The following IQCK variants were observed in gnomAD, a reference collection of about 807,000 sequenced individuals.
The protein encoded by IQCK is IQ motif containing K.
IQCK carries 29 observed loss-of-function variants against 28.1 expected under a neutral mutation model. The observed-to-expected ratio is 1.03, with a 90% CI of 0.77 to 1.41. The LOEUF is 1.41. Among genes scored for constraint, IQCK ranks in the 40% most tolerant of loss-of-function variants. The probability of loss-of-function intolerance (pLI) is 0.00; values close to 1 mark genes in which losing one functional copy is unlikely to be tolerated. For missense variants in IQCK, 359 were observed against 314.7 expected (o/e 1.14, Z -1.07); for synonymous variants, 113 against 115.1 (o/e 0.98, Z 0.12).
At chr16:19,731,410 C>T (rs1224956595) in intron 2 of IQCK, among the ~76,000 whole-genome samples, 1 of 152,220 alleles carries the variant, frequency 6.6e-6, no homozygotes, top group Non-Finnish European at 1.5e-5. Flanking sequence ...GCAGCTGCCT[C>T]TGACAGAGAC....
intron 9 of IQCK, among the ~76,000 whole-genome samples, chr16:19,844,491 C>T (rs1017011279): frequency 4.6e-5 from 7 of 152,018 alleles, no homozygotes; most frequent in African/African-American, 7.2e-5. Context: ...TCGGATGACC[C>T]GGTGGCAGTA....
chr16:19,724,591 C>T (rs140267995), intron 1 of IQCK, among the ~76,000 whole-genome samples: 46 of 152,004 alleles, frequency 3.0e-4, no homozygotes, highest in Admixed American at 1.4e-3. Context: ...TGCAGTGGTG[C>T]GATCTCGGCT....
chr16:19,806,210 G>C (rs377262458), intron 7 of IQCK, among the ~76,000 whole-genome samples: 52 of 152,240 alleles, frequency 3.4e-4, no homozygotes, highest in East Asian at 3.1e-3. Flanking sequence ...ACCAGCAAGA[G>C]AGTCAGTGTG....
intron 7 of IQCK, among the ~76,000 whole-genome samples, chr16:19,807,558 G>T (rs570217674): frequency 1.1e-3 from 169 of 152,204 alleles, no homozygotes; most frequent in African/African-American, 3.8e-3. Flanking sequence ...AGAATCTCAG[G>T]CCCCATCCAG....
chr16:19,753,864 C>T (rs963091206), intron 4 of IQCK, among the ~76,000 whole-genome samples: 3 of 151,884 alleles, frequency 2.0e-5, no homozygotes, highest in African/African-American at 7.3e-5. Flanking sequence ...ACCACTGCCT[C>T]GGCTTTGTAT....
chr16:19,857,596 C>G, exon 10 of IQCK: 1 of 339,862 alleles, frequency 2.9e-6, no homozygotes, highest in Non-Finnish European at 5.5e-6. Context: ...CTCCTGTAAG[C>G]TGGTATCATC....
chr16:19,851,691 C>T (rs752622579), intron 9 of IQCK, among the ~76,000 whole-genome samples: 46 of 152,142 alleles, frequency 3.0e-4, no homozygotes, highest in Admixed American at 4.6e-4. Context: ...CCAGCCCTTC[C>T]GGAACTGGCT....
At chr16:19,751,091 T>G (rs2054980307) in intron 4 of IQCK, among the ~76,000 whole-genome samples, 1 of 152,092 alleles carries the variant, frequency 6.6e-6, no homozygotes, top group Non-Finnish European at 1.5e-5. Context: ...AGTTTTCTTA[T>G]CTATTAAGTG....
At chr16:19,718,436 T>G in exon 1 of IQCK, 1 of 1,607,048 alleles carries the variant, frequency 6.2e-7, no homozygotes, top group Non-Finnish European at 8.5e-7. Context: ...TGTCTCGTCG[T>G]GGCAGGTCAC....
chr16:19,856,261 C>T (rs550015085), intron 9 of IQCK, among the ~76,000 whole-genome samples: 35 of 152,330 alleles, frequency 2.3e-4, no homozygotes, highest in Non-Finnish European at 4.7e-4. Flanking sequence ...TAAGAATGGC[C>T]ATGAACAGTC....
intron 6 of IQCK, among the ~76,000 whole-genome samples, chr16:19,775,934 T>G (rs576219160): frequency 3.9e-5 from 5 of 127,134 alleles, no homozygotes; most frequent in Non-Finnish European, 6.3e-5. Context: ...CAGGCTAGAG[T>G]GCAGTGGCAC....
intron 7 of IQCK, among the ~76,000 whole-genome samples, chr16:19,799,631 CA>C: frequency 2.9e-5 from 4 of 140,228 alleles, no homozygotes; most frequent in African/African-American, 1.3e-4. Context: ...CACACACACA[CA>C]CACACACACC....
intron 4 of IQCK, among the ~76,000 whole-genome samples, chr16:19,747,611 TAA>T (rs2054929479): frequency 6.6e-6 from 1 of 151,744 alleles, no homozygotes; most frequent in Non-Finnish European, 1.5e-5. Context: ...TTGTACCCAA[TAA>T]GTAGTTTGTC....
chr16:19,785,604 C>G (rs908070857), intron 6 of IQCK, among the ~76,000 whole-genome samples: 1 of 152,122 alleles, frequency 6.6e-6, no homozygotes, highest in Non-Finnish European at 1.5e-5. Flanking sequence ...GATTGCGGGC[C>G]GAGTCTTTGT....
chr16:19,759,437 G>T (rs375262503), intron 4 of IQCK, among the ~76,000 whole-genome samples: 7 of 152,170 alleles, frequency 4.6e-5, no homozygotes, highest in African/African-American at 1.7e-4. Context: ...TCAAACTCCT[G>T]ACCTCAGGTG....
intron 7 of IQCK, among the ~76,000 whole-genome samples, chr16:19,789,619 A>T (rs149246299): frequency 5.5e-5 from 3 of 54,718 alleles, no homozygotes; most frequent in Non-Finnish European, 8.3e-5. Context: ...TGAGTCACTG[A>T]TAACTCCGTC....
chr16:19,764,100 G>A (rs535214767), exon 6 of IQCK: 26 of 1,612,192 alleles, frequency 1.6e-5, no homozygotes, highest in South Asian at 1.5e-4. Context: ...GTGGAGGAGC[G>A]GCTAAAGCAA....
At chr16:19,782,277 T>G (rs2151727561) in intron 6 of IQCK, among the ~76,000 whole-genome samples, 1 of 151,604 alleles carries the variant, frequency 6.6e-6, no homozygotes, top group East Asian at 2.0e-4. Context: ...TCCCAGCTAC[T>G]CAGGAGGCTG....
At chr16:19,736,326 A>G (rs973841062) in intron 4 of IQCK, 37 of 368,214 alleles carry the variant, frequency 1.0e-4, no homozygotes, top group South Asian at 1.9e-4. Flanking sequence ...GCAGTGGCGT[A>G]ATCATGGCAC....
Sources: allele counts gnomAD v4.1 joint callset (sites outside exome capture counted in the v4.1 genomes callset), GRCh38; gene constraint gnomAD v4.1.1; transcripts MANE v1.5; gene names NCBI Gene and HGNC (gene_info 2026-07-23, HGNC 2026-07-21).